The following MNX1 variants were observed in gnomAD, a reference collection of about 807,000 sequenced individuals.
The protein encoded by MNX1 is motor neuron and pancreas homeobox protein 1.
MNX1 carries 2 observed loss-of-function variants against 17.3 expected under a neutral mutation model. The ratio of observed to expected loss-of-function variants is 0.12; its 90% CI spans 0.05 to 0.36. The LOEUF (loss-of-function observed/expected upper bound fraction) is 0.36, where lower values mean the gene tolerates loss of function less well. Ranked by LOEUF, MNX1 falls within the 10% of genes least tolerant of loss-of-function variation. The pLI is 1.00. For missense variants in MNX1, 556 were observed against 564.7 expected (o/e 0.98, Z 0.16); for synonymous variants, 306 against 283.1 (o/e 1.08, Z -0.81).
Position 157,005,342 on chromosome 7 carries a change from G to A in MNX1, c.*178C>T, listed in dbSNP as rs1805569866. ...AGGCGCCCTTGCTTAAAAGGGAAGC[G>A]CCCAGGACCGGAGCCGCGGCCGAAT... is the stretch of plus-strand genomic sequence containing the variant. On this transcript the variant is annotated 3_prime_UTR_variant, in exon 3 of 3. Transcript: ENST00000252971. 1.2e-5 allele frequency: 2 copies of A among 165,926 alleles called. No homozygotes were observed. Among genetic ancestry groups the A allele is most frequent in the Non-Finnish European group, 1.8e-5 (2 of 112,474 alleles). The allele number at this position is 165,926 out of a possible 1,614,324, so 10.3% of individuals were successfully genotyped here.
Position 157,006,464 on chromosome 7 carries a change from G to A in MNX1, c.852+15C>T, listed in dbSNP as rs1321997600. The A allele has an allele frequency of 3.7e-6, 6 of 1,607,130 alleles. No homozygotes were observed. Among genetic ancestry groups the A allele is most frequent in the Non-Finnish European group, 5.1e-6 (6 of 1,178,208 alleles). ...TGGGAGGCCGGGATGCGTCGGGGGC[G>A]GGGAGGGCGCGCACCTGGGTCTCGG... On this transcript the variant is annotated intron_variant, in intron 2 of 2. Coordinates refer to ENST00000252971, the MANE Select transcript of MNX1 (RefSeq NM_005515.4). This position sits in a 1 kb window ranked among gnomAD's most constrained non-coding sequence, Gnocchi z 6.3.
chr7:157,007,351 AGAAG>A lies in MNX1; in HGVS notation c.692-716_692-713del, dbSNP rs796952301. Among the ~76,000 whole-genome samples, 977 of 151,082 alleles carry A rather than the reference AGAAG, an allele frequency of 6.5e-3. 9 individuals are homozygous for A. The highest frequency in any genetic ancestry group is 0.016 in the South Asian group (76 of 4,754). On this transcript the variant is annotated intron_variant, in intron 1 of 2. Coordinates refer to ENST00000252971, the MANE Select transcript of MNX1 (RefSeq NM_005515.4). ...AGGGAGGGAGGAAGGAAAGAAGGAA[AGAAG>A]GAAGGAAGGAAGGAAGGAAGGGAGG...
chr7:157,008,063 G>T (rs1213956661), intron 1 of MNX1: 1 of 152,228 alleles, frequency 6.6e-6, no homozygotes, highest in African/African-American at 2.4e-5. Context: ...TACCTCTTCT[G>T]AACTTAAGAC....
At position 157,010,351 on chromosome 7, in the gene MNX1, C is replaced by A. The variant is rs575985001; in HGVS notation, c.-1G>T. ...TGCGGAAATTTTTGGATTTTTCCAT[C>A]GGCTCGTTTGGGGCTGGCGCTCAGG... On this transcript the variant is annotated 5_prime_UTR_variant, in exon 1 of 3. Coordinates refer to ENST00000252971, the MANE Select transcript of MNX1 (RefSeq NM_005515.4). The A allele has an allele frequency of 6.3e-7, 1 of 1,575,380 alleles. No homozygotes were observed. Among genetic ancestry groups the A allele is most frequent in the Non-Finnish European group, 8.6e-7 (1 of 1,161,662 alleles).
Position 157,006,406 on chromosome 7 carries a change from G to A in MNX1, c.852+73C>T, listed in dbSNP as rs958496464. The A allele has an allele frequency of 2.3e-5, 35 of 1,517,308 alleles. No homozygotes were observed. Among genetic ancestry groups the A allele is most frequent in the Non-Finnish European group, 3.0e-5 (34 of 1,122,378 alleles). The allele number at this position is 1,517,308 out of a possible 1,614,324, so 94.0% of individuals were successfully genotyped here. On this transcript the variant is annotated intron_variant, in intron 2 of 2. Transcript: ENST00000252971. The surrounding 1 kb of genome is among the most constrained non-coding windows in gnomAD (Gnocchi z 6.3). ...CAGCGCTAGATGCCTCAGACCGCCC[G>A]TGGGTCACAAGTGCAAAGGTAACAG...
Position 157,009,705 on chromosome 7 carries a change from C to T in MNX1, c.646G>A (p.Ala216Thr). Reference sequence around the variant, plus strand: ...GGCAGGATCATGCCCGCGGTGGACGCGCGCAGCCACTGGTCCAGCTGGAAG... The same window carrying T: ...GGCAGGATCATGCCCGCGGTGGACGTGCGCAGCCACTGGTCCAGCTGGAAG... ...GTFQLDQWLR[A>T]STAGMILPKM... is the part of the protein sequence containing the mutation. The change falls in exon 1 of 3, where the codon GCG becomes ACG. Residue 216 changes from alanine to threonine, a missense_variant. Physicochemically the swap from Ala to Thr is moderately conservative, Grantham distance 58 (BLOSUM62 0). Coordinates refer to ENST00000252971, the MANE Select transcript of MNX1 (RefSeq NM_005515.4). 6.2e-7 allele frequency: 1 copy of T among 1,608,446 alleles called. No individual in the cohort carries two copies.
chr7:157,008,147 T>A (rs1805638208), intron 1 of MNX1: 1 of 152,212 alleles, frequency 6.6e-6, no homozygotes, highest in Non-Finnish European at 1.5e-5. Flanking sequence ...CTCACTTTAA[T>A]AAATTTTCTG....
At position 157,006,469 on chromosome 7, in the gene MNX1, G is replaced by C. The variant is rs921342735; in HGVS notation, c.852+10C>G. On this transcript the variant is annotated intron_variant, in intron 2 of 2. Coordinates refer to ENST00000252971, the MANE Select transcript of MNX1 (RefSeq NM_005515.4). This position sits in a 1 kb window ranked among gnomAD's most constrained non-coding sequence, Gnocchi z 6.3. ...GGCCGGGATGCGTCGGGGGCGGGGA[G>C]GGCGCGCACCTGGGTCTCGGTGAGC... 5.0e-6 allele frequency: 8 copies of C among 1,608,082 alleles called. No individual in the cohort carries two copies. The South Asian group carries it at 5.6e-5, about 11-fold the overall frequency.
chr7:157,006,734 C>A lies in MNX1; in HGVS notation c.692-95G>T, dbSNP rs1211686053. On this transcript the variant is annotated intron_variant, in intron 1 of 2. Transcript: ENST00000252971. The surrounding 1 kb of genome is among the most constrained non-coding windows in gnomAD (Gnocchi z 6.3). The stretch of plus-strand genomic sequence containing the variant: ...TGTACCACTACACTCAAGGCCCCAG[C>A]GCCAAGGCCTGGCCCTGCAGAGGGC... The A allele has an allele frequency of 1.5e-6, 2 of 1,361,466 alleles. No homozygotes were observed. Among genetic ancestry groups the A allele is most frequent in the Non-Finnish European group, 2.0e-6 (2 of 1,010,544 alleles). 84.3% of individuals were successfully genotyped at this position (1,361,466 alleles called of 1,614,324 possible).
Position 157,006,416 on chromosome 7 carries a change from A to C in MNX1, c.852+63T>G. ...TGCCTCAGACCGCCCGTGGGTCACA[A>C]GTGCAAAGGTAACAGTGTCCCCTGG... On this transcript the variant is annotated intron_variant, in intron 2 of 2. Transcript: ENST00000252971. This position sits in a 1 kb window ranked among gnomAD's most constrained non-coding sequence, Gnocchi z 6.3. The C allele has an allele frequency of 6.5e-7, 1 of 1,548,474 alleles. No individual in the cohort carries two copies. The highest frequency in any genetic ancestry group is 8.7e-7 in the Non-Finnish European group (1 of 1,143,810).
At chr7:157,007,351 A>AGAAGGAAGGAAG (rs796952301) in intron 1 of MNX1, among the ~76,000 whole-genome samples, 1 of 150,972 alleles carries the variant, frequency 6.6e-6, no homozygotes, top group African/African-American at 2.4e-5. Context: ...AAAGAAGGAA[A>AGAAGGAAGGAAG]GAAGGAAGGA....
Position 157,005,140 on chromosome 7 carries a change from G to A in MNX1, c.*380C>T. 4.3e-6 allele frequency: 1 copy of A among 230,086 alleles called. No homozygotes were observed. Among genetic ancestry groups the A allele is most frequent in the Non-Finnish European group, 8.6e-6 (1 of 116,250 alleles). 14.3% of individuals were successfully genotyped at this position (230,086 alleles called of 1,614,324 possible). On this transcript the variant is annotated 3_prime_UTR_variant, in exon 3 of 3. Coordinates refer to ENST00000252971, the MANE Select transcript of MNX1 (RefSeq NM_005515.4). Reference sequence around the variant, plus strand: ...AAGTCAGGTAACACTGTGGGTTTCCGCCTTCTCGGACGCGGGGAAAGGGGA... The same window carrying A: ...AAGTCAGGTAACACTGTGGGTTTCCACCTTCTCGGACGCGGGGAAAGGGGA...
In MNX1 at chr7:157,005,358, G is replaced by C; in HGVS notation, c.*162C>G. 1 of 367,794 alleles carries C rather than the reference G, an allele frequency of 2.7e-6. No homozygotes were observed. Among genetic ancestry groups the C allele is most frequent in the Non-Finnish European group, 4.4e-6 (1 of 227,600 alleles). The allele number at this position is 367,794 out of a possible 1,614,324, so 22.8% of individuals were successfully genotyped here. A position where few individuals can be genotyped will look rare whatever the true frequency, so the allele number is the denominator to read the frequency against. On this transcript the variant is annotated 3_prime_UTR_variant, in exon 3 of 3. Transcript: ENST00000252971. The stretch of plus-strand genomic sequence containing the variant: ...AAGGGAAGCGCCCAGGACCGGAGCC[G>C]CGGCCGAATCCCTCCAGCCCCGGCC...
Position 157,010,128 on chromosome 7 carries a change from C to T in MNX1, c.223G>A (p.Ala75Thr). 3 of 1,015,572 alleles carry T rather than the reference C, an allele frequency of 3.0e-6. No homozygotes were observed. Among genetic ancestry groups the T allele is most frequent in the Non-Finnish European group, 3.5e-6 (3 of 851,784 alleles). 62.9% of individuals were successfully genotyped at this position (1,015,572 alleles called of 1,614,324 possible). A position where few individuals can be genotyped will look rare whatever the true frequency, so the allele number is the denominator to read the frequency against. ...AGGCGCGGCGGCGACGGGCTCTCGG[C>T]GCGCAGGCGGTCGGCGGGCGCAGCC... ...PPAAPADRLR[A>T]ESPSPPRLLA... is the part of the protein sequence containing the mutation. The change falls in exon 1 of 3, where the codon GCC becomes ACC. Residue 75 changes from alanine (A) to threonine (T), a missense_variant. Physicochemically the swap from Ala to Thr is moderately conservative, Grantham distance 58 (BLOSUM62 0). Coordinates refer to ENST00000252971, the MANE Select transcript of MNX1 (RefSeq NM_005515.4).
At position 157,010,140 on chromosome 7, in the gene MNX1, C is replaced by T; in HGVS notation, c.211G>A (p.Asp71Asn). ...GACGGGCTCTCGGCGCGCAGGCGGTCGGCGGGCGCAGCCGGCGGCTCCGAG... is the reference window on the plus strand; with the variant it reads ...GACGGGCTCTCGGCGCGCAGGCGGTTGGCGGGCGCAGCCGGCGGCTCCGAG... ...ASSEPPAAPA[D>N]RLRAESPSPP... The change falls in exon 1 of 3, where the codon GAC becomes AAC. Residue 71 changes from aspartate to asparagine, a missense_variant. By Grantham distance (23) the Asp-to-Asn change is conservative. Transcript: ENST00000252971. 2 of 1,048,202 alleles carry T rather than the reference C, an allele frequency of 1.9e-6. No homozygotes were observed. The highest frequency in any genetic ancestry group is 2.3e-6 in the Non-Finnish European group (2 of 872,658). The allele number at this position is 1,048,202 out of a possible 1,614,324, so 64.9% of individuals were successfully genotyped here.
rs748754690 is a variant in MNX1 at position 157,010,309 on chromosome 7, C to G, written c.42G>C (p.Ala14=). ...SKNFRIDALL[A]VDPPRAASAQ... ...CAGAGGCGGCTCGTGGGGGGTCCAC[C>G]GCCAGCAGGGCGTCGATGCGGAAAT... Residue 14 remains alanine (A), a synonymous_variant, in exon 1 of 3, where the codon GCG becomes GCC. Coordinates refer to ENST00000252971, the MANE Select transcript of MNX1 (RefSeq NM_005515.4). 6 of 1,579,684 alleles carry G rather than the reference C, an allele frequency of 3.8e-6. No homozygotes were observed. The highest frequency in any genetic ancestry group is 5.2e-6 in the Non-Finnish European group (6 of 1,164,170).
chr7:157,005,732 C>A lies in MNX1; in HGVS notation c.994G>T (p.Glu332Ter). 1 of 1,609,648 alleles carries A rather than the reference C, an allele frequency of 6.2e-7. No individual in the cohort carries two copies. Among genetic ancestry groups the A allele is most frequent in the Non-Finnish European group, 8.5e-7 (1 of 1,179,304 alleles). Residue 332 changes from glutamate (E) to a stop codon, truncating the protein, a stop_gained, in exon 3 of 3, where the codon GAG (glutamate) becomes TAG (stop). Coordinates refer to ENST00000252971, the MANE Select transcript of MNX1 (RefSeq NM_005515.4). LOFTEE classifies it low-confidence loss of function (END_TRUNC). The stretch of plus-strand genomic sequence containing the variant: ...CCGGGCGCTGGCGGCCCCAGCAGCT[C>A]CTCGGCTCCCGGCTCCTCCGCGCCG... ...KGGAEEPGAEELLGPPAPGDK... is the reference protein window; with the variant it reads ...KGGAEEPGAE
intron 1 of MNX1, chr7:157,009,061 C>A: frequency 6.5e-7 from 1 of 1,536,870 alleles, no homozygotes; most frequent in Non-Finnish European, 8.7e-7. Context: ...ATAGCTGGTT[C>A]AAGCCAGGCC....
At position 157,005,633 on chromosome 7, in the gene MNX1, C is replaced by T; in HGVS notation, c.1093G>A (p.Glu365Lys). The T allele has an allele frequency of 1.2e-6, 2 of 1,609,146 alleles. No homozygotes were observed. Among genetic ancestry groups the T allele is most frequent in the Non-Finnish European group, 1.7e-6 (2 of 1,178,744 alleles). Reference protein sequence around the residue: ...DPEEDEDEDDEDHFPYSNGAS... With the variant: ...DPEEDEDEDDKDHFPYSNGAS... ...CCGTTGCTGTAGGGGAAATGGTCCT[C>T]GTCGTCCTCGTCCTCGTCCTCCTCG... The change falls in exon 3 of 3, where the codon GAG becomes AAG. Residue 365 changes from glutamate to lysine, a missense_variant. Around this residue, in one of 7 missense-constraint regions of MNX1, gnomAD observed 178 missense variants for 155.2 expected, o/e 1.15. Transcript: ENST00000252971.
Sources: allele counts gnomAD v4.1 joint callset (sites outside exome capture counted in the v4.1 genomes callset), GRCh38; gene constraint gnomAD v4.1.1; regional missense constraint gnomAD v4.1.1; non-coding constraint Gnocchi (gnomAD v3.1); transcripts MANE v1.5; gene names NCBI Gene and HGNC (gene_info 2026-07-23, HGNC 2026-07-21).